PDE1C: variants seen among roughly 807,000 people sequenced by gnomAD.
PDE1C encodes phosphodiesterase 1C.
In PDE1C, 62 loss-of-function variants were observed where a neutral mutation model predicts 93.1. That is an observed-to-expected ratio of 0.67 (90% confidence interval 0.54 to 0.82). The LOEUF (loss-of-function observed/expected upper bound fraction) is 0.82, where lower values mean the gene tolerates loss of function less well. PDE1C is among the 40% of genes least tolerant of loss of function. The probability of loss-of-function intolerance (pLI) is 0.00; values close to 1 mark genes in which losing one functional copy is unlikely to be tolerated. For missense variants in PDE1C, 742 were observed against 884.6 expected (o/e 0.84, Z 2.04); for synonymous variants, 325 against 310.1 (o/e 1.05, Z -0.50).
At chr7:32,134,264 G>A (rs1444985890) in intron 3 of PDE1C, among the ~76,000 whole-genome samples, 2 of 152,080 alleles carry the variant, frequency 1.3e-5, no homozygotes, top group East Asian at 3.8e-4. Context: ...CCCAAATTTG[G>A]TGAAAGACAA....
At chr7:32,209,358 AGAT>A in intron 2 of PDE1C, 2 of 765,032 alleles carry the variant, frequency 2.6e-6, no homozygotes, top group South Asian at 1.9e-5. Context: ...GATGTTAACC[AGAT>A]GATATTTCCT....
intron 1 of PDE1C, among the ~76,000 whole-genome samples, chr7:32,353,929 CT>C (rs1403316080): frequency 6.6e-6 from 1 of 152,182 alleles, no homozygotes; most frequent in Non-Finnish European, 1.5e-5. Context: ...TAACTATTGT[CT>C]TCTTGAAAAT....
chr7:31,725,317 C>T, the PDE1C span, among the ~76,000 whole-genome samples: 3 of 152,268 alleles, frequency 2.0e-5, no homozygotes, highest in East Asian at 5.8e-4. Flanking sequence ...ACAACAGTGG[C>T]CTTGGCCCTA....
chr7:32,363,915 AC>A (rs1390139505), intron 1 of PDE1C, among the ~76,000 whole-genome samples: 1 of 152,226 alleles, frequency 6.6e-6, no homozygotes, highest in Non-Finnish European at 1.5e-5. Flanking sequence ...ACACATATTA[AC>A]TTAGTTATTC....
chr7:32,174,377 C>T (rs961477067), intron 2 of PDE1C, among the ~76,000 whole-genome samples: 2 of 152,104 alleles, frequency 1.3e-5, no homozygotes, highest in African/African-American at 4.8e-5. Flanking sequence ...ACTGGCAATG[C>T]ACCATAACTG....
intron 3 of PDE1C, among the ~76,000 whole-genome samples, chr7:32,094,436 A>G (rs1797637983): frequency 6.6e-6 from 1 of 152,194 alleles, no homozygotes; most frequent in African/African-American, 2.4e-5. Context: ...AGCGGAGGGT[A>G]TGTGGATTTT....
chr7:31,643,087 G>T, the PDE1C span: 2 of 1,613,958 alleles, frequency 1.2e-6, no homozygotes, highest in South Asian at 1.1e-5. Context: ...GGTAACCCAC[G>T]TCACAGAAAT....
chr7:32,036,406 C>G (rs1447291079), intron 2 of PDE1C, among the ~76,000 whole-genome samples: 1 of 152,070 alleles, frequency 6.6e-6, no homozygotes, highest in Non-Finnish European at 1.5e-5. Flanking sequence ...CCCTACGTTT[C>G]ACCTTAAGAA....
intron 3 of PDE1C, among the ~76,000 whole-genome samples, chr7:32,078,972 T>C (rs1027932182): frequency 4.7e-5 from 7 of 150,038 alleles, no homozygotes; most frequent in Non-Finnish European, 8.9e-5. Flanking sequence ...CTCTTGCCAA[T>C]AGGGAAGCAT....
At chr7:32,403,082 C>A (rs1784982032) in intron 1 of PDE1C, among the ~76,000 whole-genome samples, 1 of 152,160 alleles carries the variant, frequency 6.6e-6, no homozygotes, top group South Asian at 2.1e-4. Context: ...TGAGTCCCAG[C>A]TTTTAAATCA....
At chr7:32,116,504 C>A (rs1420883331) in intron 3 of PDE1C, among the ~76,000 whole-genome samples, 2 of 152,066 alleles carry the variant, frequency 1.3e-5, no homozygotes, top group Non-Finnish European at 2.9e-5. Context: ...ACCTTAATGA[C>A]CTCCCCAAAT....
the PDE1C span, among the ~76,000 whole-genome samples, chr7:31,740,246 G>C: frequency 0.78 from 118,184 of 152,180 alleles, 46,364 homozygotes; most frequent in Non-Finnish European, 0.83. Flanking sequence ...CACCCACTAT[G>C]CCACCCTCCA....
intron 2 of PDE1C, among the ~76,000 whole-genome samples, chr7:31,910,755 G>A (rs1373345651): frequency 6.6e-6 from 1 of 152,032 alleles, no homozygotes; most frequent in Non-Finnish European, 1.5e-5. Context: ...ATTTTTCTCT[G>A]CCTCAGTTTC....
At chr7:32,255,037 T>C (rs1044889341) in intron 1 of PDE1C, among the ~76,000 whole-genome samples, 10 of 152,310 alleles carry the variant, frequency 6.6e-5, no homozygotes, top group Admixed American at 1.3e-4. Flanking sequence ...AACATGAACC[T>C]TTCCCCATTG....
At chr7:32,129,860 A>T (rs1481306526) in intron 3 of PDE1C, among the ~76,000 whole-genome samples, 1 of 152,104 alleles carries the variant, frequency 6.6e-6, no homozygotes, top group East Asian at 1.9e-4. Flanking sequence ...CTGTTATCTC[A>T]GTTTAGTATT....
chr7:32,266,677 A>G (rs1409227693), intron 1 of PDE1C, among the ~76,000 whole-genome samples: 1 of 152,170 alleles, frequency 6.6e-6, no homozygotes, highest in Non-Finnish European at 1.5e-5. Context: ...GGACTTCTTC[A>G]GACAGAATGG....
At chr7:32,109,995 T>G (rs1397736771) in intron 3 of PDE1C, among the ~76,000 whole-genome samples, 1 of 152,136 alleles carries the variant, frequency 6.6e-6, no homozygotes, top group Admixed American at 6.5e-5. Flanking sequence ...TAGATATATT[T>G]GAAAGAGATG....
At chr7:32,208,313 T>A (rs62456322) in intron 2 of PDE1C, among the ~76,000 whole-genome samples, 1 of 152,068 alleles carries the variant, frequency 6.6e-6, no homozygotes, top group African/African-American at 2.4e-5. Context: ...CTGTCCACAC[T>A]CAGACCTAGT....
chr7:32,380,276 C>T (rs1306114307), intron 1 of PDE1C, among the ~76,000 whole-genome samples: 2 of 151,682 alleles, frequency 1.3e-5, no homozygotes, highest in Admixed American at 6.6e-5. Context: ...CTCGCTCTTT[C>T]ACCCAGGCTG....
Sources: allele counts gnomAD v4.1 joint callset (sites outside exome capture counted in the v4.1 genomes callset), GRCh38; gene constraint gnomAD v4.1.1; transcripts MANE v1.5; gene names NCBI Gene and HGNC (gene_info 2026-07-23, HGNC 2026-07-21).